The following NUMA1 variants were observed in gnomAD, a reference collection of about 807,000 sequenced individuals.
NUMA1 encodes nuclear mitotic apparatus protein 1.
Under a neutral mutation model 237.1 loss-of-function variants are expected in NUMA1, and 62 were observed. The ratio of observed to expected loss-of-function variants is 0.26; its 90% CI spans 0.21 to 0.32. The LOEUF is 0.32. Among genes scored for constraint, NUMA1 ranks in the 10% least tolerant of loss-of-function variants. The probability of loss-of-function intolerance (pLI) is 1.00; values close to 1 mark genes in which losing one functional copy is unlikely to be tolerated. For synonymous variants in NUMA1, 1,028 were observed against 1,066.1 expected, an observed-to-expected ratio of 0.96 and a Z score of 0.70; for missense variants, 2,533 against 2,666.5, an observed-to-expected ratio of 0.95 and a Z score of 1.10.
At position 72,016,566 on chromosome 11, in the gene NUMA1, G is replaced by A. The variant is rs745380736; in HGVS notation, c.1120-36C>T. ...ATGAGACCCATGTGAACAGAGAGGG[G>A]GAACAGGCACCAGATTACCACACAA... On this transcript the variant is annotated intron_variant, in intron 13 of 26. Transcript: ENST00000393695. 4 of 1,604,914 alleles carry A rather than the reference G, an allele frequency of 2.5e-6. No individual in the cohort carries two copies. In the South Asian group the frequency reaches 4.4e-5, roughly 18 times the overall value.
At position 72,049,561 on chromosome 11, in the gene NUMA1, A is replaced by ATATATATATATATAGTGTGTGTGTGTG. The variant is rs1565275036; in HGVS notation, c.-32-13587_-32-13586insCACACACACACACTATATATATATATA. On this transcript the variant is annotated intron_variant, in intron 2 of 26. Transcript: ENST00000393695. ...CTGTCTAAAAAAAAAAATAATAATA[A>ATATATATATATATAGTGTGTGTGTGTG]TATATATATATATATATATATAGTG... 14 of 12,698 alleles carry ATATATATATATATAGTGTGTGTGTGTG rather than the reference A, an allele frequency of 1.1e-3. 6 individuals are homozygous for ATATATATATATATAGTGTGTGTGTGTG. Among genetic ancestry groups the ATATATATATATATAGTGTGTGTGTGTG allele is most frequent in the Non-Finnish European group, 5.2e-3 (14 of 2,702 alleles). 0.8% of individuals were successfully genotyped at this position (12,698 alleles called of 1,614,324 possible). A position where few individuals can be genotyped will look rare whatever the true frequency, so the allele number is the denominator to read the frequency against.
intron 3 of NUMA1, among the ~76,000 whole-genome samples, chr11:72,031,310 A>G (rs1330219290): frequency 6.6e-6 from 1 of 152,132 alleles, no homozygotes; most frequent in Non-Finnish European, 1.5e-5. Flanking sequence ...AAAAAAAGAA[A>G]AAAGAAAAAC....
intron 2 of NUMA1, chr11:72,041,850 T>G (rs1266884459): frequency 6.5e-6 from 1 of 152,774 alleles, no homozygotes; most frequent in East Asian, 1.9e-4. Context: ...CAGGATGCCG[T>G]GCTGTGCCCG....
At position 72,003,906 on chromosome 11, in the gene NUMA1, G is replaced by T. The variant is rs1374533982; in HGVS notation, c.6317C>A (p.Thr2106Asn). ...SAATAAAIGA[T>N]PRAKGKAKH Reference sequence around the variant, plus strand: ...CTCTACCTTGCCCTTGGCTCGAGGGGTGGCACCAATGGCGGCAGCAGTGGC... The same window carrying T: ...CTCTACCTTGCCCTTGGCTCGAGGGTTGGCACCAATGGCGGCAGCAGTGGC... The change falls in exon 26 of 27, where the codon ACC becomes AAC. Residue 2106 changes from threonine to asparagine, a missense_variant. Physicochemically the swap from Thr to Asn is moderately conservative, Grantham distance 65. Coordinates refer to ENST00000393695, the MANE Select transcript of NUMA1 (RefSeq NM_006185.4). 1 of 1,613,602 alleles carries T rather than the reference G, an allele frequency of 6.2e-7. No homozygotes were observed. The highest frequency in any genetic ancestry group is 1.3e-5 in the African/African-American group (1 of 74,914).
chr11:72,072,208 T>C (rs1050636862), intron 1 of NUMA1: 3 of 153,304 alleles, frequency 2.0e-5, no homozygotes, highest in Non-Finnish European at 4.4e-5. Context: ...AGAATGCAGC[T>C]GCTGCCCACA....
rs1938223671 is a variant in NUMA1, at chr11:72,018,457, T to G, written c.799A>C (p.Lys267Gln). Residue 267 changes from lysine to glutamine, a missense_variant, in exon 11 of 27, where the codon AAG (lysine) becomes CAG (glutamine). Lys to Gln is a moderately conservative substitution (Grantham distance 53, BLOSUM62 1). Transcript: ENST00000393695. Reference sequence around the variant, plus strand: ...GGCTCCAGTGGGCTGGCCGCCTGCTTCTCATTCAGCAGGGCTAGGCGGTCA... The same window carrying G: ...GGCTCCAGTGGGCTGGCCGCCTGCTGCTCATTCAGCAGGGCTAGGCGGTCA... ...RIDRLALLNEKQAASPLEPKE... is the reference protein window; with the variant it reads ...RIDRLALLNEQQAASPLEPKE... 5.6e-6 allele frequency: 9 copies of G among 1,614,086 alleles called. No homozygotes were observed. Among genetic ancestry groups the G allele is most frequent in the Non-Finnish European group, 7.6e-6 (9 of 1,180,006 alleles).
intron 1 of NUMA1, among the ~76,000 whole-genome samples, chr11:72,072,911 G>A (rs1272437450): frequency 1.3e-5 from 2 of 151,980 alleles, no homozygotes; most frequent in African/African-American, 2.4e-5. Context: ...GCGCGGTGGC[G>A]GGTGCCTGTA....
At chr11:72,005,185 A>G (rs957579253) in intron 23 of NUMA1, 48 bp downstream of exon 23, 1 of 1,522,952 alleles carries the variant, frequency 6.6e-7, no homozygotes, top group Non-Finnish European at 8.8e-7. Context: ...GTGGGATTCC[A>G]AGGGAGGGCA....
intron 4 of NUMA1, 34 bp from the exon 5 acceptor site, chr11:72,024,387 T>C: frequency 6.3e-7 from 1 of 1,591,512 alleles, no homozygotes; most frequent in Non-Finnish European, 8.6e-7. Flanking sequence ...ACCAGAGTAT[T>C]CAGCAATCTT....
chr11:72,016,232 G>A lies in NUMA1; in HGVS notation c.1271C>T (p.Thr424Ile), dbSNP rs778503253. 1.1e-5 allele frequency: 17 copies of A among 1,599,436 alleles called. No homozygotes were observed. The highest frequency in any genetic ancestry group is 5.0e-5 in the Admixed American group (3 of 59,704). The change falls in exon 15 of 27, where the codon ACT becomes ATT. Residue 424 changes from threonine to isoleucine, a missense_variant. Coordinates refer to ENST00000393695, the MANE Select transcript of NUMA1 (RefSeq NM_006185.4). ...QLETLKQEAA[T>I]LAANNTQLQA... ...GAGCTGTGTGTTGTTTGCAGCAAGA[G>A]TGGCTGCCTCTTGCTTCAAGGTTTC... is the stretch of plus-strand genomic sequence containing the variant.
At chr11:72,018,604 G>T in intron 10 of NUMA1, 91 bp from the exon 11 acceptor site, 1 of 1,218,426 alleles carries the variant, frequency 8.2e-7, no homozygotes, top group Non-Finnish European at 1.2e-6. Context: ...AAGGGGAAGG[G>T]AGGAGACGGC....
At chr11:72,022,243 TA>T in intron 7 of NUMA1, 95 bp downstream of exon 7, 2 of 700,766 alleles carry the variant, frequency 2.9e-6, no homozygotes, top group Non-Finnish European at 4.8e-6. Context: ...ACTGTATTTT[TA>T]AAAAGTCCAG....
intron 12 of NUMA1, 122 bp from the exon 13 acceptor site, chr11:72,017,949 A>T: frequency 8.3e-7 from 1 of 1,210,730 alleles, no homozygotes; most frequent in Non-Finnish European, 1.2e-6. Flanking sequence ...TCTACAAACC[A>T]ATCACAGCCA....
In NUMA1 at chr11:72,009,345, G is replaced by A. The variant is rs201665542; in HGVS notation, c.4762C>T (p.Arg1588Cys). ...AGTTCATTCAGCTGGGCCTGGAGGC[G>A]CTGGGCCTCCTGCTGGCTCTCGCCT... is the stretch of plus-strand genomic sequence containing the variant. ...QGGESQQEAQRLQAQLNELQA... is the reference protein window; with the variant it reads ...QGGESQQEAQCLQAQLNELQA... Residue 1588 changes from arginine to cysteine, a missense_variant, in exon 18 of 27, where the codon CGC becomes TGC. Around this residue, in one of 3 missense-constraint regions of NUMA1, gnomAD observed 795 missense variants for 750.8 expected, o/e 1.06. Transcript: ENST00000393695. 106 of 1,612,456 alleles carry A rather than the reference G, an allele frequency of 6.6e-5. No individual in the cohort carries two copies. Among genetic ancestry groups the A allele is most frequent in the African/African-American group, 9.3e-5 (7 of 74,882 alleles).
rs769851108 is a variant in NUMA1 at position 72,015,177 on chromosome 11, C to T, written c.2326G>A (p.Glu776Lys). Reference protein sequence around the residue: ...GLEARLQQLGEAHQAETEVLR... With the variant: ...GLEARLQQLGKAHQAETEVLR... ...ACTTCAGTCTCAGCCTGATGGGCCTCCCCAAGCTGCTGTAATCGAGCCTCC... is the reference window on the plus strand; with the variant it reads ...ACTTCAGTCTCAGCCTGATGGGCCTTCCCAAGCTGCTGTAATCGAGCCTCC... Residue 776 changes from glutamate to lysine, a missense_variant, in exon 15 of 27, where the codon GAG (glutamate) becomes AAG (lysine). By Grantham distance (56) the Glu-to-Lys change is moderately conservative (BLOSUM62 1). This residue lies in a region of NUMA1 where 1,414 missense variants were observed against 1,508.1 expected (regional missense o/e 0.94). Transcript: ENST00000393695. This position sits in a 1 kb window ranked among gnomAD's most constrained non-coding sequence, Gnocchi z 4.0. 9.9e-6 allele frequency: 16 copies of T among 1,613,510 alleles called. 1 individual carries two copies. Among genetic ancestry groups the T allele is most frequent in the Middle Eastern group, 1.6e-4 (1 of 6,062 alleles).
At chr11:72,021,404 C>A in intron 7 of NUMA1, 113 bp from the exon 8 acceptor site, 1 of 856,304 alleles carries the variant, frequency 1.2e-6, no homozygotes, top group Non-Finnish European at 1.9e-6. Flanking sequence ...GCCCTAGGAG[C>A]CTGCTGGATC....
chr11:72,025,938 A>G (rs1029422836), intron 4 of NUMA1, among the ~76,000 whole-genome samples: 2 of 152,260 alleles, frequency 1.3e-5, no homozygotes, highest in African/African-American at 4.8e-5. Context: ...GGCTCAGTGT[A>G]GAGCAATATT....
chr11:72,018,116 CT>C (rs1305590754), intron 12 of NUMA1, 66 bp downstream of exon 12: 2 of 1,174,880 alleles, frequency 1.7e-6, no homozygotes, highest in Non-Finnish European at 2.6e-6. Flanking sequence ...TCAACCCTCT[CT>C]TGGGGAGCCT....
chr11:72,040,105 G>A (rs1161166960), intron 2 of NUMA1, among the ~76,000 whole-genome samples: 1 of 152,212 alleles, frequency 6.6e-6, no homozygotes, highest in African/African-American at 2.4e-5. Context: ...GTCCTGGGTA[G>A]ACCGTCTGGT....
Sources: gnomAD v4.1 joint callset for allele counts (sites outside exome capture counted in the v4.1 genomes callset) on GRCh38, gnomAD v4.1.1 for gene constraint, gnomAD v4.1.1 regional missense constraint, Gnocchi (gnomAD v3.1) non-coding constraint, MANE v1.5 for transcripts, NCBI Gene and HGNC (gene_info 2026-07-23, HGNC 2026-07-21) for gene names.